Variants in PIK3CB observed in about 807,000 individuals in gnomAD.
The protein encoded by PIK3CB is phosphatidylinositol-4,5-bisphosphate 3-kinase catalytic subunit beta, also known as phosphatidylinositol 4,5-bisphosphate 3-kinase catalytic subunit beta isoform.
Under a neutral mutation model 136.8 loss-of-function variants are expected in PIK3CB, and 39 were observed. The observed-to-expected ratio is 0.29, with a 90% CI of 0.22 to 0.37. The LOEUF (loss-of-function observed/expected upper bound fraction) is 0.37, where lower values mean the gene tolerates loss of function less well. PIK3CB is among the 10% of genes least tolerant of loss of function. The pLI, the probability that PIK3CB is intolerant of heterozygous loss-of-function variation, is 1.00. For synonymous variants in PIK3CB, 428 were observed against 436.6 expected, an observed-to-expected ratio of 0.98 and a Z score of 0.25; for missense variants, 868 against 1,275.4, an observed-to-expected ratio of 0.68 and a Z score of 4.87.
At chr3:138,669,049 C>T (rs2043472469) in intron 19 of PIK3CB, among the ~76,000 whole-genome samples, 1 of 152,088 alleles carries the variant, frequency 6.6e-6, no homozygotes, top group Non-Finnish European at 1.5e-5. Context: ...GCATTATTTC[C>T]ACCTTCTTCC....
At chr3:138,700,114 C>T in intron 12 of PIK3CB, among the ~76,000 whole-genome samples, 2 of 152,130 alleles carry the variant, frequency 1.3e-5, no homozygotes, top group Admixed American at 6.6e-5. Context: ...TCTAGCTACT[C>T]AGGAGGCTGA....
chr3:138,704,596 G>A (rs1241936694), intron 11 of PIK3CB, 103 bp from the exon 12 acceptor site: 3 of 761,434 alleles, frequency 3.9e-6, no homozygotes, highest in Admixed American at 2.0e-5. Context: ...ATCTGGCATT[G>A]CTATGCTTTG....
At chr3:138,693,041 T>C (rs912087282) in intron 14 of PIK3CB, among the ~76,000 whole-genome samples, 6 of 152,200 alleles carry the variant, frequency 3.9e-5, no homozygotes, top group African/African-American at 1.4e-4. Flanking sequence ...CATTTAAACA[T>C]AATGGGAGAG....
intron 6 of PIK3CB, among the ~76,000 whole-genome samples, chr3:138,736,269 G>A (rs1348357509): frequency 6.6e-6 from 1 of 152,114 alleles, no homozygotes; most frequent in Non-Finnish European, 1.5e-5. Context: ...GTGCACATAA[G>A]TTATAACTGC....
rs1248334251 is a variant in PIK3CB, at chr3:138,742,647, G to C, written c.532C>G (p.Pro178Ala). The C allele has an allele frequency of 6.2e-7, 1 of 1,608,826 alleles. No individual in the cohort carries two copies. The highest frequency in any genetic ancestry group is 8.5e-7 in the Non-Finnish European group (1 of 1,175,428). Residue 178 changes from proline (P) to alanine (A), a missense_variant, in exon 5 of 24, where the codon CCA becomes GCA. Pro to Ala is a conservative substitution (Grantham distance 27, BLOSUM62 -1). This residue lies in a region of PIK3CB where 612 missense variants were observed against 801.1 expected (regional missense o/e 0.76). Coordinates refer to ENST00000674063, the MANE Select transcript of PIK3CB (RefSeq NM_006219.3). The stretch of plus-strand genomic sequence containing the variant: ...TCAGGGATGGATGGTTCATGCTCTG[G>C]TGGATATGTTTGTTTTAGCCAGTCC... ...WMDWLKQTYP[P>A]EHEPSIPENL...
chr3:138,730,731 T>C (rs372579363), intron 8 of PIK3CB, among the ~76,000 whole-genome samples: 5 of 152,178 alleles, frequency 3.3e-5, no homozygotes, highest in East Asian at 3.9e-4. Context: ...AAGACCAGCA[T>C]TGGCAACATA....
chr3:138,832,823 T>A (rs1433686695), intron 1 of PIK3CB, among the ~76,000 whole-genome samples: 3 of 68,782 alleles, frequency 4.4e-5, no homozygotes, highest in Admixed American at 1.9e-4. Flanking sequence ...AAAGCGAAAC[T>A]CCGTCTCAAA....
intron 2 of PIK3CB, among the ~76,000 whole-genome samples, chr3:138,789,617 G>A (rs1397929687): frequency 1.3e-5 from 2 of 151,960 alleles, no homozygotes; most frequent in Admixed American, 6.6e-5. Context: ...GGTAGAAACA[G>A]CACCAGTGTC....
chr3:138,791,382 G>T (rs1447588024), intron 2 of PIK3CB, among the ~76,000 whole-genome samples: 4 of 152,022 alleles, frequency 2.6e-5, no homozygotes, highest in Non-Finnish European at 4.4e-5. Context: ...GGATCTGCCC[G>T]TCTCAGCCTC....
intron 4 of PIK3CB, among the ~76,000 whole-genome samples, chr3:138,746,737 A>G (rs1401688450): frequency 6.6e-6 from 1 of 151,702 alleles, no homozygotes; most frequent in Admixed American, 6.6e-5. Context: ...GCTAGCATTA[A>G]AATTCTCCTG....
chr3:138,696,245 C>T (rs1352892549), intron 13 of PIK3CB, among the ~76,000 whole-genome samples: 1 of 150,092 alleles, frequency 6.7e-6, no homozygotes, highest in Non-Finnish European at 1.5e-5. Context: ...TGCAGTGGCA[C>T]TATCGTACCT....
At chr3:138,807,418 A>G (rs915064394) in intron 1 of PIK3CB, among the ~76,000 whole-genome samples, 2 of 152,136 alleles carry the variant, frequency 1.3e-5, no homozygotes, top group African/African-American at 4.8e-5. Context: ...TGGGCAACAG[A>G]GTGAAACTGT....
At chr3:138,772,217 A>C (rs1007615318) in intron 2 of PIK3CB, among the ~76,000 whole-genome samples, 5 of 152,198 alleles carry the variant, frequency 3.3e-5, no homozygotes, top group African/African-American at 9.7e-5. Flanking sequence ...TTTAAAGTTA[A>C]AAGAAAAAAC....
intron 6 of PIK3CB, 126 bp downstream of exon 6, chr3:138,737,581 G>A (rs1419026484): frequency 3.5e-6 from 1 of 285,660 alleles, no homozygotes; most frequent in Non-Finnish European, 6.2e-6. Flanking sequence ...ATTTAATACT[G>A]TATAATTTTC....
At chr3:138,700,414 C>T (rs906416951) in intron 12 of PIK3CB, among the ~76,000 whole-genome samples, 14 of 152,044 alleles carry the variant, frequency 9.2e-5, no homozygotes, top group Middle Eastern at 3.4e-3. Context: ...GAAAGAAATG[C>T]TCAAAGAATG....
At chr3:138,689,404 C>T (rs1025268720) in intron 15 of PIK3CB, among the ~76,000 whole-genome samples, 2 of 152,226 alleles carry the variant, frequency 1.3e-5, no homozygotes, top group African/African-American at 4.8e-5. Context: ...TGCGATTCTC[C>T]TGCCTCAGCC....
chr3:138,707,625 C>T, intron 10 of PIK3CB: 1 of 897,456 alleles, frequency 1.1e-6, no homozygotes, highest in Non-Finnish European at 1.4e-6. Flanking sequence ...ACTATAATCT[C>T]ATCACTACAT....
chr3:138,813,078 T>C (rs1057320743), intron 1 of PIK3CB, among the ~76,000 whole-genome samples: 1 of 152,150 alleles, frequency 6.6e-6, no homozygotes, highest in African/African-American at 2.4e-5. Context: ...CTCTGTATTA[T>C]TTTTTACAAC....
chr3:138,688,010 A>G (rs2043929208), intron 16 of PIK3CB, among the ~76,000 whole-genome samples: 1 of 152,220 alleles, frequency 6.6e-6, no homozygotes, highest in South Asian at 2.1e-4. Context: ...ATGACCCATA[A>G]TAAGTGATGA....
Sources: allele counts gnomAD v4.1 joint callset (sites outside exome capture counted in the v4.1 genomes callset), GRCh38; gene constraint gnomAD v4.1.1; regional missense constraint gnomAD v4.1.1; transcripts MANE v1.5; gene names NCBI Gene and HGNC (gene_info 2026-07-23, HGNC 2026-07-21).